The following SYNDIG1 variants were observed in gnomAD, a reference collection of about 807,000 sequenced individuals.
SYNDIG1 encodes synapse differentiation inducing 1, also known as synapse differentiation-inducing gene protein 1.
A neutral mutation model predicts 19.4 loss-of-function variants in SYNDIG1; 9 were observed. The observed-to-expected ratio is 0.46, with a 90% CI of 0.28 to 0.81. The LOEUF (loss-of-function observed/expected upper bound fraction) is 0.81. SYNDIG1 is among the 30% of genes least tolerant of loss of function. The pLI, the probability that SYNDIG1 is intolerant of heterozygous loss-of-function variation, is 0.12. For synonymous variants in SYNDIG1, 141 were observed against 145.9 expected, an observed-to-expected ratio of 0.97 and a Z score of 0.24; for missense variants, 311 against 343.3, an observed-to-expected ratio of 0.91 and a Z score of 0.74.
intron 3 of SYNDIG1, among the ~76,000 whole-genome samples, chr20:24,630,978 G>A (rs2059233357): frequency 6.6e-6 from 1 of 152,268 alleles, no homozygotes; most frequent in African/African-American, 2.4e-5. Flanking sequence ...AGATGAGCTG[G>A]CTTGGCTGCT....
chr20:24,552,636 A>T lies in SYNDIG1; in HGVS notation c.480+9059A>T, dbSNP rs571652132. The stretch of plus-strand genomic sequence containing the variant: ...CATCCATGTCCCTACAAAGGACATG[A>T]ACTCATCATTTTTTATGGCTGCATA... On this transcript the variant is annotated intron_variant, in intron 2 of 3. Transcript: ENST00000376862. 1.3e-3 allele frequency among the ~76,000 whole-genome samples: 196 copies of T among 152,242 alleles called. 1 individual carries two copies. Among genetic ancestry groups the T allele is most frequent in the African/African-American group, 4.5e-3 (187 of 41,536 alleles).
At chr20:24,541,934 C>G (rs1230562588) in intron 1 of SYNDIG1, among the ~76,000 whole-genome samples, 2 of 152,188 alleles carry the variant, frequency 1.3e-5, no homozygotes, top group African/African-American at 4.8e-5. Context: ...CCAGTTTCAT[C>G]TCTGAGCGGA....
intron 3 of SYNDIG1, among the ~76,000 whole-genome samples, chr20:24,625,242 C>A (rs2059105326): frequency 6.6e-6 from 1 of 152,122 alleles, no homozygotes; most frequent in Non-Finnish European, 1.5e-5. Context: ...AACCAAATGT[C>A]AGTTCTTTGA....
At chr20:24,484,143 A>G (rs1435677630) in intron 1 of SYNDIG1, among the ~76,000 whole-genome samples, 1 of 152,042 alleles carries the variant, frequency 6.6e-6, no homozygotes, top group Non-Finnish European at 1.5e-5. Context: ...CTGGCTACCT[A>G]CTGCTGCCCA....
intron 2 of SYNDIG1, among the ~76,000 whole-genome samples, chr20:24,570,077 A>G (rs373276744): frequency 3.3e-5 from 5 of 152,232 alleles, no homozygotes; most frequent in South Asian, 2.1e-4. Flanking sequence ...TTATAATGTT[A>G]TAGAGTTTAT....
chr20:24,633,022 T>C (rs1284063960), intron 3 of SYNDIG1, among the ~76,000 whole-genome samples: 2 of 148,272 alleles, frequency 1.3e-5, no homozygotes. Flanking sequence ...ACCTTTCCCA[T>C]AGTTTCCAGT....
intron 3 of SYNDIG1, among the ~76,000 whole-genome samples, chr20:24,611,660 G>A (rs1288819776): frequency 1.3e-5 from 2 of 151,702 alleles, no homozygotes; most frequent in African/African-American, 4.9e-5. Flanking sequence ...CCCCTCCTCA[G>A]CCTCTGCCTG....
At chr20:24,513,928 G>A (rs769538998) in intron 1 of SYNDIG1, among the ~76,000 whole-genome samples, 3 of 152,152 alleles carry the variant, frequency 2.0e-5, no homozygotes, top group Admixed American at 6.5e-5. Flanking sequence ...CGGATCTCTC[G>A]GCAGAAACTC....
At chr20:24,645,747 G>C (rs941988774) in intron 3 of SYNDIG1, among the ~76,000 whole-genome samples, 1 of 152,246 alleles carries the variant, frequency 6.6e-6, no homozygotes, top group Admixed American at 6.5e-5. Flanking sequence ...ACCAGTATAT[G>C]TGGCTACCAT....
intron 2 of SYNDIG1, among the ~76,000 whole-genome samples, chr20:24,568,214 G>A (rs1245712198): frequency 6.6e-6 from 1 of 152,160 alleles, no homozygotes; most frequent in Non-Finnish European, 1.5e-5. Context: ...AGGGGACATC[G>A]TTGCACTGCA....
chr20:24,578,636 A>C (rs1373642043), intron 2 of SYNDIG1, among the ~76,000 whole-genome samples: 1 of 152,104 alleles, frequency 6.6e-6, no homozygotes, highest in South Asian at 2.1e-4. Context: ...AAAAGCCTCA[A>C]ATGAAGTGGG....
intron 3 of SYNDIG1, among the ~76,000 whole-genome samples, chr20:24,636,358 G>T (rs1163867295): frequency 6.6e-6 from 1 of 152,184 alleles, no homozygotes; most frequent in Non-Finnish European, 1.5e-5. Context: ...ATAGGCAAAA[G>T]AAAGAGAAAA....
At chr20:24,472,718 G>A (rs1315281071) in intron 1 of SYNDIG1, among the ~76,000 whole-genome samples, 2 of 152,216 alleles carry the variant, frequency 1.3e-5, no homozygotes, top group East Asian at 3.9e-4. Context: ...ATGGCACGCA[G>A]GGAGGCACTG....
At chr20:24,548,083 G>A (rs1363263997) in intron 2 of SYNDIG1, among the ~76,000 whole-genome samples, 2 of 152,154 alleles carry the variant, frequency 1.3e-5, no homozygotes, top group African/African-American at 4.8e-5. Context: ...AAGTGCACTT[G>A]GCCATCGAAT....
At chr20:24,519,764 T>C (rs144404754) in intron 1 of SYNDIG1, among the ~76,000 whole-genome samples, 16 of 151,486 alleles carry the variant, frequency 1.1e-4, no homozygotes, top group Admixed American at 1.1e-3. Context: ...CTCTTTCTCT[T>C]TCTCCCTCCT....
At chr20:24,545,952 G>A (rs1037315733) in intron 2 of SYNDIG1, among the ~76,000 whole-genome samples, 4 of 152,172 alleles carry the variant, frequency 2.6e-5, no homozygotes, top group Non-Finnish European at 5.9e-5. Flanking sequence ...GTTTACTTAG[G>A]CACTTTAGTG....
rs183195179 is a variant in SYNDIG1 at position 24,590,777 on chromosome 20, C to T, written c.618+5784C>T. Among the ~76,000 whole-genome samples the T allele has an allele frequency of 5.3e-5, 8 of 152,182 alleles. No individual in the cohort carries two copies. In the East Asian group the frequency reaches 7.8e-4, roughly 15 times the overall value. On this transcript the variant is annotated intron_variant, in intron 3 of 3. Coordinates refer to ENST00000376862, the MANE Select transcript of SYNDIG1 (RefSeq NM_024893.3). ...GGGGGCTCCAGGGAGACGTCTGGGC[C>T]GAGGGTAGGAGTGTAAGGCCTGAGC...
intron 3 of SYNDIG1, among the ~76,000 whole-genome samples, chr20:24,642,421 G>T (rs1399700847): frequency 6.6e-6 from 1 of 152,116 alleles, no homozygotes; most frequent in African/African-American, 2.4e-5. Context: ...GCTGTACTCT[G>T]TCATAGGAAG....
At chr20:24,554,812 G>C (rs373228210) in intron 2 of SYNDIG1, among the ~76,000 whole-genome samples, 10,189 of 150,950 alleles carry the variant, frequency 0.067, 574 homozygotes, top group African/African-American at 0.15. Flanking sequence ...GATGATGCTG[G>C]CCTCTTAAAA....
Sources: allele counts gnomAD v4.1 joint callset (sites outside exome capture counted in the v4.1 genomes callset), GRCh38; gene constraint gnomAD v4.1.1; transcripts MANE v1.5; gene names NCBI Gene and HGNC (gene_info 2026-07-23, HGNC 2026-07-21).